Variants in CROCC2 observed in about 807,000 individuals in gnomAD.
CROCC2 encodes the protein ciliary rootlet coiled-coil protein 2.
A neutral mutation model predicts 177.6 loss-of-function variants in CROCC2; 163 were observed. That is an observed-to-expected ratio of 0.92 (90% confidence interval 0.81 to 1.05). CROCC2 has a LOEUF of 1.05. Among genes scored for constraint, CROCC2 ranks in the 50% least tolerant of loss-of-function variants. The pLI is 0.00. For missense variants in CROCC2, 1,929 were observed against 1,797.8 expected (o/e 1.07, Z -1.32); for synonymous variants, 904 against 787.3 (o/e 1.15, Z -2.48).
At chr2:240,922,902 T>C (rs1480609567) in intron 4 of CROCC2, among the ~76,000 whole-genome samples, 1 of 152,048 alleles carries the variant, frequency 6.6e-6, no homozygotes, top group East Asian at 1.9e-4. Context: ...CCTCTTGCTG[T>C]GGGGAGACCC....
chr2:240,982,686 C>T lies in CROCC2; in HGVS notation c.4402-194C>T, dbSNP rs1483020091. ...TCTCAGGCTTCCTGGGGGTCCACAC[C>T]TTTGAGGTTACATTGCAAACACAAT... On this transcript the variant is annotated intron_variant, in intron 27 of 31. Transcript: ENST00000690015. The surrounding 1 kb of genome is among the most constrained non-coding windows in gnomAD (Gnocchi z 4.7). 5.4e-6 allele frequency: 3 copies of T among 550,938 alleles called. No individual in the cohort carries two copies. Among genetic ancestry groups the T allele is most frequent in the African/African-American group, 1.9e-5 (1 of 52,398 alleles). 34.1% of individuals were successfully genotyped at this position (550,938 alleles called of 1,614,324 possible).
intron 5 of CROCC2, 45 bp from the exon 6 acceptor site, chr2:240,930,120 TA>T: frequency 1.9e-6 from 1 of 527,424 alleles, no homozygotes; most frequent in Non-Finnish European, 3.5e-6. Flanking sequence ...TCAGGGAGGG[TA>T]AAGGGGCCCC....
At position 240,958,393 on chromosome 2, in the gene CROCC2, G is replaced by A. The variant is rs748174378; in HGVS notation, c.2944-908G>A. 5 of 253,208 alleles carry A rather than the reference G, an allele frequency of 2.0e-5. No homozygotes were observed. The highest frequency in any genetic ancestry group is 2.5e-5 in the Non-Finnish European group (4 of 160,590). The allele number at this position is 253,208 out of a possible 1,614,324, so 15.7% of individuals were successfully genotyped here. A position where few individuals can be genotyped will look rare whatever the true frequency, so the allele number is the denominator to read the frequency against. On this transcript the variant is annotated intron_variant, in intron 19 of 31. Coordinates refer to ENST00000690015, the MANE Select transcript of CROCC2 (RefSeq NM_001351305.2). The surrounding 1 kb of genome is among the most constrained non-coding windows in gnomAD (Gnocchi z 6.7). Reference sequence around the variant, plus strand: ...ACCAGAGGGGGTTGTAAAGAATGACGACAGGAGGCAGCAGCATGGCTCCTT... The same window carrying A: ...ACCAGAGGGGGTTGTAAAGAATGACAACAGGAGGCAGCAGCATGGCTCCTT...
rs1393404486 is a variant in CROCC2 at position 240,953,484 on chromosome 2, C to T, written c.2830-2375C>T. ...GACACCATGTGCTAGTGCCCTCCCT[C>T]CCCTGGACCCACAGCAGAACCACAA... On this transcript the variant is annotated intron_variant, in intron 18 of 31. Transcript: ENST00000690015. The surrounding 1 kb of genome is among the most constrained non-coding windows in gnomAD (Gnocchi z 4.0). Among the ~76,000 whole-genome samples, 3 of 152,004 alleles carry T rather than the reference C, an allele frequency of 2.0e-5. No individual in the cohort carries two copies. The highest frequency in any genetic ancestry group is 4.4e-5 in the Non-Finnish European group (3 of 68,006).
In CROCC2 at chr2:240,933,317, C is replaced by T. The variant is rs1009533322; in HGVS notation, c.1438C>T (p.Arg480Trp). Residue 480 changes from arginine (R) to tryptophan (W), a missense_variant, in exon 10 of 32, where the codon CGG (arginine) becomes TGG (tryptophan). Arg to Trp is a moderately radical substitution (Grantham distance 101, BLOSUM62 -3). Coordinates refer to ENST00000690015, the MANE Select transcript of CROCC2 (RefSeq NM_001351305.2). ...CCAGAGGCTCGAGGTGCAGCAGTGC[C>T]GGGCATCCTGCAAGCTCCTGGGGAG... ...EAQRLEVQQC[R>W]ASCKLLGREK... 1.6e-5 allele frequency: 24 copies of T among 1,533,576 alleles called. No individual in the cohort carries two copies. Among genetic ancestry groups the T allele is most frequent in the Non-Finnish European group, 1.8e-5 (20 of 1,141,704 alleles). 95.0% of individuals were successfully genotyped at this position (1,533,576 alleles called of 1,614,324 possible). A position where few individuals can be genotyped will look rare whatever the true frequency, so the allele number is the denominator to read the frequency against.
chr2:240,926,835 C>T (rs865971405), intron 5 of CROCC2, among the ~76,000 whole-genome samples: 1 of 152,262 alleles, frequency 6.6e-6, no homozygotes, highest in African/African-American at 2.4e-5. Flanking sequence ...CAGCGGGAGC[C>T]GTGCTATCAG....
At chr2:240,962,356 C>T (rs2059648797) in intron 20 of CROCC2, among the ~76,000 whole-genome samples, 1 of 152,156 alleles carries the variant, frequency 6.6e-6, no homozygotes. Flanking sequence ...TTTTCATCTC[C>T]TCTGCGCTGG....
At chr2:240,931,164 G>T (rs1403237338) in intron 7 of CROCC2, 36 bp downstream of exon 7, 1 of 685,502 alleles carries the variant, frequency 1.5e-6, no homozygotes, top group Non-Finnish European at 2.7e-6. Context: ...GCACAGGGAG[G>T]GCCCGGGGGG....
intron 15 of CROCC2, 111 bp from the exon 16 acceptor site, chr2:240,948,867 CA>C (rs1209512751): frequency 2.0e-5 from 19 of 960,376 alleles, no homozygotes; most frequent in African/African-American, 6.6e-5. Flanking sequence ...AACATTCTTC[CA>C]TTTATTTGCA....
In CROCC2 at chr2:240,917,991, A is replaced by C; in HGVS notation, c.79-735A>C. 6.6e-6 allele frequency among the ~76,000 whole-genome samples: 1 copy of C among 152,194 alleles called. No homozygotes were observed. Among genetic ancestry groups the C allele is most frequent in the Non-Finnish European group, 1.5e-5 (1 of 68,016 alleles). ...CCCTCAAAACCAGGCTGGGGTACCC[A>C]GGACACCCAGGCACTCCTGGGGCAG... On this transcript the variant is annotated intron_variant, in intron 1 of 31. Coordinates refer to ENST00000690015, the MANE Select transcript of CROCC2 (RefSeq NM_001351305.2). This position sits in a 1 kb window ranked among gnomAD's most constrained non-coding sequence, Gnocchi z 4.9.
chr2:240,936,935 C>A (rs2059474925), intron 14 of CROCC2, among the ~76,000 whole-genome samples: 2 of 152,184 alleles, frequency 1.3e-5, no homozygotes, highest in Admixed American at 1.3e-4. Flanking sequence ...GACTGTGATG[C>A]ACAAGGCTGC....
At chr2:240,948,144 TG>T (rs2059534175) in intron 15 of CROCC2, among the ~76,000 whole-genome samples, 1 of 151,390 alleles carries the variant, frequency 6.6e-6, no homozygotes, top group Admixed American at 6.6e-5. Flanking sequence ...AGTGTTGGGA[TG>T]GGGGCCATGA....
rs759924287 is a variant in CROCC2, at chr2:240,949,045, G to A, written c.2430G>A (p.Glu810=). The part of the protein sequence containing the change: ...EAQQLATKLQ[E]QLEEEARSAG... ...AACAGCTGGCCACAAAGCTGCAGGAGCAGCTGGAGGAGGAAGCCCGGAGCG... is the reference window on the plus strand; with the variant it reads ...AACAGCTGGCCACAAAGCTGCAGGAACAGCTGGAGGAGGAAGCCCGGAGCG... Residue 810 remains glutamate, a synonymous_variant, in exon 16 of 32, where the codon GAG becomes GAA. Coordinates refer to ENST00000690015, the MANE Select transcript of CROCC2 (RefSeq NM_001351305.2). This position sits in a 1 kb window ranked among gnomAD's most constrained non-coding sequence, Gnocchi z 4.5. The A allele has an allele frequency of 3.2e-6, 5 of 1,549,544 alleles. No homozygotes were observed. The highest frequency in any genetic ancestry group is 4.4e-6 in the Non-Finnish European group (5 of 1,146,792).
chr2:240,929,219 G>A (rs560107800), intron 5 of CROCC2, among the ~76,000 whole-genome samples: 7 of 152,270 alleles, frequency 4.6e-5, no homozygotes, highest in African/African-American at 9.6e-5. Context: ...TCAAGGTCTC[G>A]TTCTATTGTT....
At position 240,934,316 on chromosome 2, in the gene CROCC2, G is replaced by T. The variant is rs1483989270; in HGVS notation, c.1647-15G>T. 1.9e-6 allele frequency: 3 copies of T among 1,548,094 alleles called. No individual in the cohort carries two copies. The South Asian group carries it at 3.6e-5, about 18-fold the overall frequency. On this transcript the variant is annotated splice_polypyrimidine_tract_variant and intron_variant, in intron 11 of 31. Transcript: ENST00000690015. Reference sequence around the variant, plus strand: ...CACCCTGAGCGACCTCCCGCCCTCTGGTCTGGGGCCTCAGTCAAGGCCGCC... The same window carrying T: ...CACCCTGAGCGACCTCCCGCCCTCTTGTCTGGGGCCTCAGTCAAGGCCGCC...
chr2:240,907,166 C>A lies in CROCC2; in HGVS notation c.78+575C>A, dbSNP rs895833725. On this transcript the variant is annotated intron_variant, in intron 1 of 31. Coordinates refer to ENST00000690015, the MANE Select transcript of CROCC2 (RefSeq NM_001351305.2). The stretch of plus-strand genomic sequence containing the variant: ...AGGGCCTCTCGGGGGACAGTGTTTC[C>A]ATCGCTGCACATTTGTGGGAGGCTG... Among the ~76,000 whole-genome samples, 109 of 152,276 alleles carry A rather than the reference C, an allele frequency of 7.2e-4. 1 individual carries two copies. The highest frequency in any genetic ancestry group is 1.2e-3 in the Non-Finnish European group (84 of 68,012).
chr2:240,968,120 G>A lies in CROCC2; in HGVS notation c.4268-9G>A, dbSNP rs2059696113. 1 of 1,432,144 alleles carries A rather than the reference G, an allele frequency of 7.0e-7. No individual in the cohort carries two copies. The allele number at this position is 1,432,144 out of a possible 1,614,324, so 88.7% of individuals were successfully genotyped here. ...GGGGGCCCCTCAAGCCACCCTGCTT[G>A]CCCCACAGGCCAGCGCCGGGTGGAG... On this transcript the variant is annotated splice_polypyrimidine_tract_variant and intron_variant, in intron 26 of 31. Transcript: ENST00000690015.
chr2:240,989,965 G>C, intron 30 of CROCC2, 132 bp downstream of exon 30: 1 of 855,040 alleles, frequency 1.2e-6, no homozygotes, highest in Non-Finnish European at 1.8e-6. Flanking sequence ...CCACCCAGTG[G>C]GCTCCAGACC....
At position 240,934,397 on chromosome 2, in the gene CROCC2, G is replaced by A. The variant is rs1027997850; in HGVS notation, c.1713G>A (p.Arg571=). Reference sequence around the variant, plus strand: ...TCAGAGAGGAGCTGGCATCGGTCCGGGAGGCACTGAGCACAGCACAGCTGC... The same window carrying A: ...TCAGAGAGGAGCTGGCATCGGTCCGAGAGGCACTGAGCACAGCACAGCTGC... ...SGLREELASV[R]EALSTAQLQR... The change falls in exon 12 of 32, where the codon CGG becomes CGA. Residue 571 remains arginine (R), a synonymous_variant. Coordinates refer to ENST00000690015, the MANE Select transcript of CROCC2 (RefSeq NM_001351305.2). 6.5e-7 allele frequency: 1 copy of A among 1,548,656 alleles called. No individual in the cohort carries two copies. Among genetic ancestry groups the A allele is most frequent in the African/African-American group, 1.4e-5 (1 of 73,012 alleles).
Sources: allele counts gnomAD v4.1 joint callset (sites outside exome capture counted in the v4.1 genomes callset), GRCh38; gene constraint gnomAD v4.1.1; non-coding constraint Gnocchi (gnomAD v3.1); transcripts MANE v1.5; gene names NCBI Gene and HGNC (gene_info 2026-07-23, HGNC 2026-07-21).